The following INPP5D variants were observed in gnomAD, a reference collection of about 807,000 sequenced individuals.
INPP5D encodes the protein inositol polyphosphate-5-phosphatase D, also known as phosphatidylinositol 3,4,5-trisphosphate 5-phosphatase 1.
A neutral mutation model predicts 122.9 loss-of-function variants in INPP5D; 33 were observed. The ratio of observed to expected loss-of-function variants is 0.27; its 90% CI spans 0.20 to 0.36. The LOEUF (loss-of-function observed/expected upper bound fraction) is 0.36, where lower values mean the gene tolerates loss of function less well. INPP5D is among the 10% of genes least tolerant of loss of function. The pLI is 1.00. For missense variants in INPP5D, 1,053 were observed against 1,412.7 expected (o/e 0.75, Z 4.08); for synonymous variants, 584 against 576.2 (o/e 1.01, Z -0.19).
rs866152518 is a variant in INPP5D at position 233,082,645 on chromosome 2, C to T, written c.198+3247C>T. On this transcript the variant is annotated intron_variant, in intron 2 of 26. Coordinates refer to ENST00000445964, the MANE Select transcript of INPP5D (RefSeq NM_001017915.3). The surrounding 1 kb of genome is among the most constrained non-coding windows in gnomAD (Gnocchi z 4.7). ...AGACCAACTTCATGGAGTTGGCCCACGTGTCATAGCCCATGACAGCCCTGT... is the reference window on the plus strand; with the variant it reads ...AGACCAACTTCATGGAGTTGGCCCATGTGTCATAGCCCATGACAGCCCTGT... Among the ~76,000 whole-genome samples, 33 of 152,184 alleles carry T rather than the reference C, an allele frequency of 2.2e-4. No homozygotes were observed. Among genetic ancestry groups the T allele is most frequent in the Admixed American group, 2.1e-3 (32 of 15,278 alleles).
At position 233,078,722 on chromosome 2, in the gene INPP5D, C is replaced by T. The variant is rs747360679; in HGVS notation, c.135-613C>T. On this transcript the variant is annotated intron_variant, in intron 1 of 26. Coordinates refer to ENST00000445964, the MANE Select transcript of INPP5D (RefSeq NM_001017915.3). The surrounding 1 kb of genome is among the most constrained non-coding windows in gnomAD (Gnocchi z 4.6). ...GTTTTGAGACGGAGTCTCACTCTGTCGCCAGGCTGGAGTGAAGTGGCACAT... is the reference window on the plus strand; with the variant it reads ...GTTTTGAGACGGAGTCTCACTCTGTTGCCAGGCTGGAGTGAAGTGGCACAT... 5.3e-5 allele frequency among the ~76,000 whole-genome samples: 8 copies of T among 151,988 alleles called. No individual in the cohort carries two copies. The highest frequency in any genetic ancestry group is 7.4e-5 in the Non-Finnish European group (5 of 67,984).
chr2:233,193,765 A>C, intron 22 of INPP5D, 47 bp from the exon 23 acceptor site: 1 of 1,612,954 alleles, frequency 6.2e-7, no homozygotes, highest in African/African-American at 1.3e-5. Flanking sequence ...TGTTTCTGCC[A>C]TGAAAAGGCA....
intron 21 of INPP5D, among the ~76,000 whole-genome samples, chr2:233,186,472 G>T (rs1694917532): frequency 6.6e-6 from 1 of 152,044 alleles, no homozygotes; most frequent in South Asian, 2.1e-4. Flanking sequence ...CACTCAGCCA[G>T]ACCTTAGTGG....
At chr2:233,120,905 A>G (rs73996041) in intron 2 of INPP5D, among the ~76,000 whole-genome samples, 3,098 of 152,260 alleles carry the variant, frequency 0.02, 99 homozygotes, top group African/African-American at 0.07. Flanking sequence ...CAACTATAAC[A>G]AATGAAAAAA....
intron 1 of INPP5D, among the ~76,000 whole-genome samples, chr2:233,070,734 C>T (rs1489509255): frequency 6.6e-6 from 1 of 152,098 alleles, no homozygotes; most frequent in East Asian, 1.9e-4. Flanking sequence ...AGCCACCGCG[C>T]CCGGCCAGGA....
At chr2:233,150,983 C>T (rs1244842572) in intron 9 of INPP5D, among the ~76,000 whole-genome samples, 1 of 152,104 alleles carries the variant, frequency 6.6e-6, no homozygotes, top group South Asian at 2.1e-4. Context: ...ACATGTTGCT[C>T]ATCTCTCACT....
chr2:233,130,845 G>T (rs755692876), intron 5 of INPP5D, 197 bp downstream of exon 5: 2 of 731,526 alleles, frequency 2.7e-6, no homozygotes, highest in Admixed American at 2.0e-5. Flanking sequence ...ACAGTAGCTT[G>T]TGTGTGCTGC....
chr2:233,111,897 C>T (rs1692639695), intron 2 of INPP5D, among the ~76,000 whole-genome samples: 1 of 151,626 alleles, frequency 6.6e-6, no homozygotes, highest in East Asian at 1.9e-4. Flanking sequence ...TCCGCCTCTA[C>T]AAAAAATACA....
chr2:233,146,977 G>T (rs142582288), intron 8 of INPP5D, among the ~76,000 whole-genome samples: 15,844 of 151,984 alleles, frequency 0.1, 1,213 homozygotes, highest in East Asian at 0.31. Flanking sequence ...CCCAAAGTCC[G>T]TTCTAGACCT....
chr2:233,192,935 C>A (rs939479061), intron 22 of INPP5D, among the ~76,000 whole-genome samples: 1 of 152,164 alleles, frequency 6.6e-6, no homozygotes, highest in African/African-American at 2.4e-5. Context: ...TTTTGGAGGC[C>A]AGAGTGCAGT....
chr2:233,097,903 T>C (rs1294358339), intron 2 of INPP5D, among the ~76,000 whole-genome samples: 1 of 151,820 alleles, frequency 6.6e-6, no homozygotes, highest in Non-Finnish European at 1.5e-5. Flanking sequence ...TTTTTTTTTT[T>C]TGAGACAGAG....
chr2:233,198,287 G>C lies in INPP5D; in HGVS notation c.2886G>C (p.Pro962=). Residue 962 remains proline, a synonymous_variant, in exon 25 of 27, where the codon CCG becomes CCC. Transcript: ENST00000445964. ...PLGPCRGESP[P]TPPGQPPISP... ...GGCCCTGCAGGGGAGAAAGTCCTCCGACACCTCCCGGCCAGCCGCCCATAT... is the reference window on the plus strand; with the variant it reads ...GGCCCTGCAGGGGAGAAAGTCCTCCCACACCTCCCGGCCAGCCGCCCATAT... The C allele has an allele frequency of 6.2e-7, 1 of 1,613,424 alleles. No homozygotes were observed. Among genetic ancestry groups the C allele is most frequent in the Non-Finnish European group, 8.5e-7 (1 of 1,179,864 alleles).
intron 17 of INPP5D, among the ~76,000 whole-genome samples, chr2:233,175,686 GTT>G (rs35661704): frequency 6.9e-6 from 1 of 144,224 alleles, no homozygotes; most frequent in Admixed American, 6.9e-5. Flanking sequence ...AAAAACTTTT[GTT>G]TTTTTTTTTT....
At chr2:233,198,896 G>A (rs1260279198) in intron 25 of INPP5D, among the ~76,000 whole-genome samples, 6 of 151,100 alleles carry the variant, frequency 4.0e-5, no homozygotes, top group South Asian at 2.1e-4. Context: ...GTTGCGGTGC[G>A]CCGAGATTGC....
intron 17 of INPP5D, among the ~76,000 whole-genome samples, chr2:233,174,669 G>A (rs1694573056): frequency 6.6e-6 from 1 of 151,908 alleles, no homozygotes; most frequent in South Asian, 2.1e-4. Flanking sequence ...GCGCACTCCT[G>A]TGATCCCAGC....
At chr2:233,172,524 G>C (rs375132360) in intron 17 of INPP5D, among the ~76,000 whole-genome samples, 1 of 152,212 alleles carries the variant, frequency 6.6e-6, no homozygotes, top group Non-Finnish European at 1.5e-5. Flanking sequence ...GATATATTGC[G>C]AGACCTGATT....
chr2:233,152,863 TGG>T (rs36172029), intron 9 of INPP5D, among the ~76,000 whole-genome samples: 1 of 151,658 alleles, frequency 6.6e-6, no homozygotes, highest in South Asian at 2.1e-4. Flanking sequence ...GGTTTTCAGC[TGG>T]GGGGGGTGTG....
At chr2:233,144,146 G>T (rs1470758442) in intron 6 of INPP5D, among the ~76,000 whole-genome samples, 1 of 148,532 alleles carries the variant, frequency 6.7e-6, no homozygotes, top group Non-Finnish European at 1.5e-5. Context: ...GGTGGGTCTG[G>T]TAGGGGTAGA....
intron 2 of INPP5D, among the ~76,000 whole-genome samples, chr2:233,084,319 T>C (rs1691773527): frequency 6.6e-6 from 1 of 152,200 alleles, no homozygotes. Context: ...CCTCCCAAAG[T>C]GTTGGGATTA....
Sources: allele counts gnomAD v4.1 joint callset (sites outside exome capture counted in the v4.1 genomes callset), GRCh38; gene constraint gnomAD v4.1.1; non-coding constraint Gnocchi (gnomAD v3.1); transcripts MANE v1.5; gene names NCBI Gene and HGNC (gene_info 2026-07-23, HGNC 2026-07-21).